The following SHLD1 variants were observed in gnomAD, a reference collection of about 807,000 sequenced individuals.
SHLD1 encodes RINN1-REV7-interacting novel NHEJ regulator 3.
SHLD1 carries 3 observed loss-of-function variants against 5.5 expected under a neutral mutation model. That is an observed-to-expected ratio of 0.54 (90% confidence interval 0.25 to 1.40). The LOEUF is 1.40. Ranked by LOEUF, SHLD1 falls within the 40% of genes most tolerant of loss-of-function variation. SHLD1 has a pLI of 0.15. For missense variants in SHLD1, 210 were observed against 244.4 expected, an observed-to-expected ratio of 0.86 and a Z score of 0.94; for synonymous variants, 92 against 94.3, an observed-to-expected ratio of 0.98 and a Z score of 0.14.
intron 2 of SHLD1, among the ~76,000 whole-genome samples, chr20:5,804,698 A>G (rs1397050585): frequency 6.6e-6 from 1 of 152,268 alleles, no homozygotes; most frequent in Non-Finnish European, 1.5e-5. Flanking sequence ...TGGCATGGAA[A>G]GTTATGCCTG....
At chr20:5,848,923 G>C (rs1252286760) in intron 2 of SHLD1, among the ~76,000 whole-genome samples, 2 of 152,250 alleles carry the variant, frequency 1.3e-5, no homozygotes, top group Admixed American at 6.5e-5. Context: ...CATCCAGTTT[G>C]AACTTTCAGA....
At chr20:5,803,419 T>A (rs1411216149) in intron 2 of SHLD1, among the ~76,000 whole-genome samples, 5 of 152,114 alleles carry the variant, frequency 3.3e-5, no homozygotes, top group African/African-American at 7.2e-5. Flanking sequence ...TCCTTCCGTC[T>A]CAGCCTCCCA....
rs192471164 is a variant in SHLD1 at position 5,755,504 on chromosome 20, C to A, written c.-5+5025C>A. Among the ~76,000 whole-genome samples the A allele has an allele frequency of 2.4e-4, 37 of 152,208 alleles. No individual in the cohort carries two copies. In the East Asian group the frequency reaches 6.6e-3, roughly 27 times the overall value. ...AAAATTGTCTTCCATGAAACTGGTC[C>A]CTGGTGTCAGAAAGGTTGGGGGCTA... On this transcript the variant is annotated intron_variant, in intron 1 of 2. Coordinates refer to ENST00000303142, the MANE Select transcript of SHLD1 (RefSeq NM_152504.4).
chr20:5,824,054 G>A (rs748988961), intron 2 of SHLD1, among the ~76,000 whole-genome samples: 7 of 152,144 alleles, frequency 4.6e-5, no homozygotes, highest in Non-Finnish European at 8.8e-5. Context: ...CTTTCAGTGC[G>A]CTTAGGACAC....
At chr20:5,767,975 C>CT (rs71197793) in intron 1 of SHLD1, among the ~76,000 whole-genome samples, 36,448 of 134,660 alleles carry the variant, frequency 0.27, 5,054 homozygotes, top group Middle Eastern at 0.35. Context: ...GTGACGAATT[C>CT]TTTTTTTTTT....
chr20:5,863,417 A>T lies in SHLD1; in HGVS notation c.572A>T (p.Asp191Val), dbSNP rs1013147753. 1 of 1,612,232 alleles carries T rather than the reference A, an allele frequency of 6.2e-7. No individual in the cohort carries two copies. The highest frequency in any genetic ancestry group is 1.1e-5 in the South Asian group (1 of 90,768). The change falls in exon 3 of 3, where the codon GAT becomes GTT. Residue 191 changes from aspartate to valine, a missense_variant. Physicochemically the swap from Asp to Val is radical, Grantham distance 152. Transcript: ENST00000303142. ...DEKPNPGLSK[D>V]ITHFLLQQNV... ...AAGCCAAACCCAGGACTGTCAAAGG[A>T]TATTACTCATTTCCTCTTGCAGCAG...
rs149526644 is a variant in SHLD1, at chr20:5,762,846, G to A, written c.-4-10016G>A. ...AAATTAGCCAGGTGTGGTAGTGCGC[G>A]CCTGTAGTCCCAGCTACTTGGGAGG... is the stretch of plus-strand genomic sequence containing the variant. On this transcript the variant is annotated intron_variant, in intron 1 of 2. Coordinates refer to ENST00000303142, the MANE Select transcript of SHLD1 (RefSeq NM_152504.4). Among the ~76,000 whole-genome samples, 529 of 151,968 alleles carry A rather than the reference G, an allele frequency of 3.5e-3. 4 individuals are homozygous for A. The highest frequency in any genetic ancestry group is 0.012 in the African/African-American group (497 of 41,450).
chr20:5,804,609 A>C (rs2087348057), intron 2 of SHLD1, among the ~76,000 whole-genome samples: 2 of 152,216 alleles, frequency 1.3e-5, no homozygotes, highest in African/African-American at 4.8e-5. Context: ...CCATTGCAGA[A>C]ATCATACTTG....
chr20:5,845,917 T>C (rs560860311), intron 2 of SHLD1, among the ~76,000 whole-genome samples: 2 of 152,312 alleles, frequency 1.3e-5, no homozygotes, highest in Admixed American at 6.5e-5. Flanking sequence ...AAAGGGGAAG[T>C]GCTCGGCTGT....
At chr20:5,773,432 A>G (rs1462755844) in intron 2 of SHLD1, 5 of 449,772 alleles carry the variant, frequency 1.1e-5, no homozygotes, top group African/African-American at 9.8e-5. Context: ...AGTAATAAAA[A>G]TAGAGACTTT....
intron 2 of SHLD1, among the ~76,000 whole-genome samples, chr20:5,829,550 C>G (rs913829245): frequency 2.0e-5 from 3 of 152,140 alleles, no homozygotes; most frequent in African/African-American, 7.2e-5. Context: ...GGCAGATGGT[C>G]TTTATAAACT....
intron 2 of SHLD1, among the ~76,000 whole-genome samples, chr20:5,827,468 T>G (rs1271538454): frequency 6.6e-6 from 1 of 152,166 alleles, no homozygotes; most frequent in Non-Finnish European, 1.5e-5. Context: ...CTCTGCACAG[T>G]GCCCTATGGC....
At chr20:5,844,935 C>T (rs1319877588) in intron 2 of SHLD1, among the ~76,000 whole-genome samples, 1 of 151,408 alleles carries the variant, frequency 6.6e-6, no homozygotes, top group African/African-American at 2.4e-5. Flanking sequence ...GCTGGGACTA[C>T]AGGTGCACGC....
chr20:5,777,044 A>C (rs546221672), intron 2 of SHLD1, among the ~76,000 whole-genome samples: 4 of 151,354 alleles, frequency 2.6e-5, no homozygotes, highest in African/African-American at 9.7e-5. Context: ...GGCTGAGTGC[A>C]GTGGCACAAT....
At chr20:5,777,818 T>G (rs1985500965) in intron 2 of SHLD1, among the ~76,000 whole-genome samples, 1 of 152,124 alleles carries the variant, frequency 6.6e-6, no homozygotes, top group South Asian at 2.1e-4. Flanking sequence ...GACAAGGAAC[T>G]GCTGCAAATA....
At chr20:5,804,465 T>C (rs890832540) in intron 2 of SHLD1, among the ~76,000 whole-genome samples, 1 of 152,162 alleles carries the variant, frequency 6.6e-6, no homozygotes, top group Non-Finnish European at 1.5e-5. Flanking sequence ...TTACATGACC[T>C]TGTGGCACCT....
intron 2 of SHLD1, among the ~76,000 whole-genome samples, chr20:5,784,589 T>C (rs928436000): frequency 6.6e-6 from 1 of 151,996 alleles, no homozygotes; most frequent in African/African-American, 2.4e-5. Flanking sequence ...TAGCTGGGAC[T>C]ACAGGCGCCC....
intron 2 of SHLD1, among the ~76,000 whole-genome samples, chr20:5,779,995 T>TG (rs1404073572): frequency 6.9e-6 from 1 of 145,878 alleles, no homozygotes; most frequent in Non-Finnish European, 1.5e-5. Flanking sequence ...TTTTTTTTTT[T>TG]GGAGACAGAG....
chr20:5,809,132 C>T (rs1232598024), intron 2 of SHLD1, among the ~76,000 whole-genome samples: 1 of 151,976 alleles, frequency 6.6e-6, no homozygotes, highest in Non-Finnish European at 1.5e-5. Context: ...ATTTTTCTTT[C>T]TAAAACCATG....
Sources: allele counts gnomAD v4.1 joint callset (sites outside exome capture counted in the v4.1 genomes callset), GRCh38; gene constraint gnomAD v4.1.1; transcripts MANE v1.5; gene names NCBI Gene and HGNC (gene_info 2026-07-23, HGNC 2026-07-21).